Variants in TASP1 observed in about 807,000 individuals in gnomAD.
The protein encoded by TASP1 is taspase 1, also known as threonine aspartase 1.
Under a neutral mutation model 56.6 loss-of-function variants are expected in TASP1, and 16 were observed. The observed-to-expected ratio is 0.28, with a 90% CI of 0.19 to 0.43. TASP1 has a LOEUF of 0.43. TASP1 is among the 20% of genes least tolerant of loss of function. TASP1 has a pLI of 1.00. For synonymous variants in TASP1, 179 were observed against 184.2 expected (o/e 0.97, Z 0.23); for missense variants, 393 against 511.6 (o/e 0.77, Z 2.24).
At chr20:13,310,057 T>C in the TASP1 span, among the ~76,000 whole-genome samples, 1 of 152,190 alleles carries the variant, frequency 6.6e-6, no homozygotes, top group Non-Finnish European at 1.5e-5. Flanking sequence ...AACAAAATTC[T>C]GATGATATTT....
At chr20:13,561,496 G>C (rs1241792110) in intron 7 of TASP1, among the ~76,000 whole-genome samples, 1 of 152,092 alleles carries the variant, frequency 6.6e-6, no homozygotes, top group East Asian at 1.9e-4. Flanking sequence ...CTCCCAAGTA[G>C]CGGGGATTAC....
At chr20:13,302,698 A>C in the TASP1 span, among the ~76,000 whole-genome samples, 10 of 152,114 alleles carry the variant, frequency 6.6e-5, no homozygotes, top group Non-Finnish European at 8.8e-5. Context: ...TAGCTGCTCA[A>C]ATTTTTCTCT....
At chr20:13,517,351 A>G (rs982495449) in intron 10 of TASP1, among the ~76,000 whole-genome samples, 7 of 152,154 alleles carry the variant, frequency 4.6e-5, no homozygotes, top group African/African-American at 1.7e-4. Context: ...GCTGAGGAGC[A>G]AAATACATGA....
At chr20:13,359,578 T>C in the TASP1 span, among the ~76,000 whole-genome samples, 2 of 151,136 alleles carry the variant, frequency 1.3e-5, no homozygotes, top group Admixed American at 6.6e-5. Context: ...TTCAAGGACC[T>C]GTTTCCCTTG....
At chr20:13,214,727 T>C in the TASP1 span, among the ~76,000 whole-genome samples, 1 of 152,126 alleles carries the variant, frequency 6.6e-6, no homozygotes, top group African/African-American at 2.4e-5. Flanking sequence ...ATTCCACGGG[T>C]ACAAAGCCAG....
intron 10 of TASP1, among the ~76,000 whole-genome samples, chr20:13,502,201 A>G (rs2043971865): frequency 6.6e-6 from 1 of 152,116 alleles, no homozygotes; most frequent in African/African-American, 2.4e-5. Context: ...TTTATTTTGA[A>G]AAATAATACA....
chr20:13,537,857 T>C (rs560648267), intron 8 of TASP1, among the ~76,000 whole-genome samples: 15 of 152,210 alleles, frequency 9.9e-5, no homozygotes, highest in Non-Finnish European at 1.5e-4. Context: ...GGTTATTATA[T>C]AGTTATTATA....
At chr20:13,139,196 G>C in the TASP1 span, among the ~76,000 whole-genome samples, 1 of 152,150 alleles carries the variant, frequency 6.6e-6, no homozygotes, top group African/African-American at 2.4e-5. Context: ...CTAGTAACAA[G>C]AGGTTGAGAA....
At chr20:13,622,599 G>C in intron 4 of TASP1, among the ~76,000 whole-genome samples, 1 of 152,252 alleles carries the variant, frequency 6.6e-6, no homozygotes, top group South Asian at 2.1e-4. Context: ...CACAAGGAAA[G>C]GCATGAAAGG....
In TASP1 at chr20:13,417,533, G is replaced by A. The variant is rs1568772353; in HGVS notation, c.1097-12C>T. The A allele has an allele frequency of 1.2e-6, 2 of 1,613,824 alleles. No homozygotes were observed. Among genetic ancestry groups the A allele is most frequent in the East Asian group, 4.5e-5 (2 of 44,866 alleles). ...CCACAGAAATTCCACTGCCATAAAAGAGAACACAAATAGGCACATTCAGAT... is the reference window on the plus strand; with the variant it reads ...CCACAGAAATTCCACTGCCATAAAAAAGAACACAAATAGGCACATTCAGAT... On this transcript the variant is annotated splice_polypyrimidine_tract_variant and intron_variant, in intron 12 of 13. Coordinates refer to ENST00000337743, the MANE Select transcript of TASP1 (RefSeq NM_017714.3).
chr20:13,589,140 C>T (rs2047430366), intron 4 of TASP1, among the ~76,000 whole-genome samples: 1 of 145,608 alleles, frequency 6.9e-6, no homozygotes, highest in African/African-American at 2.6e-5. Context: ...TCACTGCGAG[C>T]TCTGCCTCCT....
intron 11 of TASP1, 44 bp from the exon 12 acceptor site, chr20:13,435,198 T>C: frequency 7.1e-7 from 1 of 1,411,892 alleles, no homozygotes. Context: ...GAATTTTACT[T>C]TTTAAATTTT....
At chr20:13,189,698 T>A in the TASP1 span, among the ~76,000 whole-genome samples, 3 of 152,310 alleles carry the variant, frequency 2.0e-5, no homozygotes, top group East Asian at 5.8e-4. Flanking sequence ...TTATACACTG[T>A]CAATGGGATT....
chr20:13,243,436 G>C, the TASP1 span, among the ~76,000 whole-genome samples: 37,666 of 151,978 alleles, frequency 0.25, 4,754 homozygotes, highest in African/African-American at 0.3. Context: ...ACAAAGACAC[G>C]TATTTTTGGT....
intron 8 of TASP1, among the ~76,000 whole-genome samples, chr20:13,537,963 G>C (rs922552027): frequency 6.6e-6 from 1 of 150,588 alleles, no homozygotes; most frequent in Non-Finnish European, 1.5e-5. Flanking sequence ...CTTCTAATCT[G>C]CACTCTCTGA....
intron 10 of TASP1, among the ~76,000 whole-genome samples, chr20:13,520,408 C>G (rs2044700954): frequency 1.3e-5 from 2 of 152,198 alleles, no homozygotes; most frequent in South Asian, 4.1e-4. Context: ...CAGCACGGTA[C>G]TGGTACCAAA....
chr20:13,581,970 C>T (rs1165265299), intron 5 of TASP1, among the ~76,000 whole-genome samples: 1 of 151,978 alleles, frequency 6.6e-6, no homozygotes, highest in Non-Finnish European at 1.5e-5. Context: ...CTAATATACG[C>T]CTGCCTTTCA....
At chr20:13,286,994 G>A in the TASP1 span, among the ~76,000 whole-genome samples, 5 of 152,322 alleles carry the variant, frequency 3.3e-5, no homozygotes, top group South Asian at 2.1e-4. Flanking sequence ...AAAGAATCAC[G>A]CTTTAGAGAG....
At chr20:13,625,724 T>C (rs544806776) in intron 2 of TASP1, among the ~76,000 whole-genome samples, 25 of 152,308 alleles carry the variant, frequency 1.6e-4, no homozygotes, top group African/African-American at 5.8e-4. Context: ...GAAGTTGAGG[T>C]GTCTTACATC....
Sources: allele counts gnomAD v4.1 joint callset (sites outside exome capture counted in the v4.1 genomes callset), GRCh38; gene constraint gnomAD v4.1.1; transcripts MANE v1.5; gene names NCBI Gene and HGNC (gene_info 2026-07-23, HGNC 2026-07-21).